The following ZNF695 variants were observed in gnomAD, a reference collection of about 807,000 sequenced individuals.
ZNF695 encodes zinc finger protein SBZF3.
A neutral mutation model predicts 11.2 loss-of-function variants in ZNF695; 11 were observed. That is an observed-to-expected ratio of 0.98 (90% CI 0.62 to 1.62). ZNF695 has a LOEUF of 1.62. ZNF695 is among the 40% of genes most tolerant of loss of function. The probability of loss-of-function intolerance (pLI) is 0.00; values close to 1 mark genes in which losing one functional copy is unlikely to be tolerated. For synonymous variants in ZNF695, 190 were observed against 201.4 expected, an observed-to-expected ratio of 0.94 and a Z score of 0.48; for missense variants, 559 against 590.5, an observed-to-expected ratio of 0.95 and a Z score of 0.55.
At chr1:247,000,571 G>A (rs1278300219) in intron 1 of ZNF695, among the ~76,000 whole-genome samples, 1 of 152,114 alleles carries the variant, frequency 6.6e-6, no homozygotes, top group Admixed American at 6.6e-5. Flanking sequence ...TCTCTCTGAG[G>A]AAAGAAGATG....
chr1:247,006,598 C>T (rs938135019), intron 1 of ZNF695, among the ~76,000 whole-genome samples: 9 of 152,066 alleles, frequency 5.9e-5, no homozygotes, highest in Non-Finnish European at 1.2e-4. Context: ...TGCCATTGGG[C>T]AACAGAGTGA....
Position 246,949,082 on chromosome 1 carries a change from CTT to C in ZNF695, c.489-3257_489-3256del, listed in dbSNP as rs565664044. Among the ~76,000 whole-genome samples the C allele has an allele frequency of 3.0e-3, 461 of 152,242 alleles. 1 individual carries two copies. The Middle Eastern group carries it at 0.034, about 11-fold the overall frequency. On this transcript the variant is annotated intron_variant, in intron 5 of 5. Transcript: ENST00000487338. ...AAGGAAACAGCTATCACATGCAAAA[CTT>C]TTCTAATGCTAACAGCAACTCCAGA... is the stretch of plus-strand genomic sequence containing the variant.
chr1:246,998,620 C>A (rs184110755), intron 3 of ZNF695, among the ~76,000 whole-genome samples: 173 of 152,284 alleles, frequency 1.1e-3, no homozygotes, highest in African/African-American at 3.9e-3. Context: ...TAACCAAATA[C>A]CAATATCACC....
chr1:246,949,634 T>G (rs1468463846), intron 5 of ZNF695, among the ~76,000 whole-genome samples: 1 of 151,554 alleles, frequency 6.6e-6, no homozygotes, highest in Non-Finnish European at 1.5e-5. Flanking sequence ...TCTTGAACCC[T>G]GGGGTTTCCT....
At position 246,987,701 on chromosome 1, in the gene ZNF695, C is replaced by G. The variant is rs1051878544; in HGVS notation, c.814G>C (p.Glu272Gln). 19 of 1,594,426 alleles carry G rather than the reference C, an allele frequency of 1.2e-5. No individual in the cohort carries two copies. In the African/African-American group the frequency reaches 2.6e-4, roughly 22 times the overall value. ...CACAGGTTAAAAGCTTTGCCACATT[C>G]TTCACATCTGTAGGTTTTCTTTTCA... ...HTEKKTYRCE[E>Q]CGKAFNLCSV... The change falls in exon 4 of 4, where the codon GAA (glutamate) becomes CAA (glutamine). Residue 272 changes from glutamate to glutamine, a missense_variant. Coordinates refer to ENST00000339986, the MANE Select transcript of ZNF695 (RefSeq NM_020394.5).
At position 246,993,048 on chromosome 1, in the gene ZNF695, G is replaced by C. The variant is rs76329227; in HGVS notation, c.260-4793C>G. On this transcript the variant is annotated intron_variant, in intron 3 of 3. Transcript: ENST00000339986. The stretch of plus-strand genomic sequence containing the variant: ...TATAGCAGATGAGAAACTGCAGTAC[G>C]AGAGATGGGCAACAGATATAACAAG... Among the ~76,000 whole-genome samples the C allele has an allele frequency of 2.6e-5, 4 of 152,166 alleles. No individual in the cohort carries two copies. The East Asian group carries it at 7.7e-4, about 29-fold the overall frequency.
chr1:246,950,650 C>CAAAAA (rs200143022), intron 5 of ZNF695, among the ~76,000 whole-genome samples: 66 of 105,366 alleles, frequency 6.3e-4, no homozygotes, highest in African/African-American at 2.3e-3. Flanking sequence ...AACTCCGTTT[C>CAAAAA]AAAAAAAAAA....
intron 5 of ZNF695, among the ~76,000 whole-genome samples, chr1:246,962,248 C>T (rs575188563): frequency 5.8e-4 from 89 of 152,204 alleles, no homozygotes; most frequent in Non-Finnish European, 1.1e-3. Context: ...GGAACACTGA[C>T]GAATGGCTTG....
chr1:246,947,452 A>G (rs1667767649), intron 5 of ZNF695, among the ~76,000 whole-genome samples: 1 of 152,072 alleles, frequency 6.6e-6, no homozygotes, highest in Admixed American at 6.6e-5. Context: ...AACAGAGAAC[A>G]GTCTGTTCTA....
intron 4 of ZNF695, chr1:246,969,205 T>C (rs1171905134): frequency 1.3e-5 from 2 of 152,244 alleles, no homozygotes; most frequent in African/African-American, 4.8e-5. Context: ...AATATGAGCA[T>C]ACACTGTTAG....
At chr1:246,968,568 GGA>G (rs1668345726) in intron 4 of ZNF695, 1 of 152,354 alleles carries the variant, frequency 6.6e-6, no homozygotes. Context: ...GTGCCCCAGT[GGA>G]GACTCTTTGT....
intron 5 of ZNF695, among the ~76,000 whole-genome samples, chr1:246,958,280 G>C (rs957853371): frequency 7.9e-5 from 12 of 152,046 alleles, no homozygotes; most frequent in African/African-American, 1.7e-4. Context: ...GGATGTTCTT[G>C]ATCTCCTGAC....
At chr1:246,963,042 G>A (rs866720214) in intron 5 of ZNF695, among the ~76,000 whole-genome samples, 3 of 152,152 alleles carry the variant, frequency 2.0e-5, no homozygotes, top group East Asian at 1.9e-4. Context: ...CAGGCAAACC[G>A]GCTCCTGTCT....
At chr1:247,007,494 CAAAAAAAAAAAA>C (rs34758795) in intron 1 of ZNF695, among the ~76,000 whole-genome samples, 1 of 79,468 alleles carries the variant, frequency 1.3e-5, no homozygotes, top group Non-Finnish European at 2.3e-5. Context: ...GACTCCGTCT[CAAAAAAAAAAAA>C]AAAAAAAAAG....
intron 1 of ZNF695, among the ~76,000 whole-genome samples, chr1:247,002,153 G>T (rs899196289): frequency 1.3e-5 from 2 of 151,836 alleles, no homozygotes; most frequent in African/African-American, 4.8e-5. Flanking sequence ...CAAGACCACA[G>T]TTAAATAAAA....
At chr1:247,002,801 C>G (rs34183990) in intron 1 of ZNF695, among the ~76,000 whole-genome samples, 1 of 149,918 alleles carries the variant, frequency 6.7e-6, no homozygotes, top group Non-Finnish European at 1.5e-5. Flanking sequence ...AAGGGGGGGG[C>G]AGCAAAGGAC....
chr1:246,966,483 C>A (rs1363843753), intron 5 of ZNF695, among the ~76,000 whole-genome samples: 1 of 151,602 alleles, frequency 6.6e-6, no homozygotes, highest in Non-Finnish European at 1.5e-5. Flanking sequence ...TCCATCCCCC[C>A]ACCAAAAAAA....
intron 3 of ZNF695, 102 bp from the exon 4 acceptor site, chr1:246,988,357 G>T (rs370331621): frequency 2.4e-6 from 2 of 840,100 alleles, no homozygotes; most frequent in Non-Finnish European, 3.5e-6. Context: ...ATAGCATAAT[G>T]AAATACCACA....
intron 4 of ZNF695, among the ~76,000 whole-genome samples, chr1:246,975,872 A>G (rs1381652263): frequency 6.6e-6 from 1 of 152,244 alleles, no homozygotes; most frequent in African/African-American, 2.4e-5. Context: ...AAAGAGGTAA[A>G]AGAGAAGAGA....
Sources: allele counts gnomAD v4.1 joint callset (sites outside exome capture counted in the v4.1 genomes callset), GRCh38; gene constraint gnomAD v4.1.1; transcripts MANE v1.5; gene names NCBI Gene and HGNC (gene_info 2026-07-23, HGNC 2026-07-21).